Variants in VWC2 observed in about 807,000 individuals in gnomAD.
VWC2 encodes the protein von Willebrand factor C domain containing 2.
VWC2 carries 14 observed loss-of-function variants against 29.8 expected under a neutral mutation model. That is an observed-to-expected ratio of 0.47 (90% confidence interval 0.31 to 0.74). The LOEUF (loss-of-function observed/expected upper bound fraction) is 0.74. VWC2 is among the 30% of genes least tolerant of loss of function. VWC2 has a pLI of 0.05. For synonymous variants in VWC2, 213 were observed against 199.0 expected (o/e 1.07, Z -0.59); for missense variants, 457 against 459.8 (o/e 0.99, Z 0.05).
intron 3 of VWC2, among the ~76,000 whole-genome samples, chr7:49,843,763 C>T (rs1421840823): frequency 1.3e-5 from 2 of 152,130 alleles, no homozygotes; most frequent in Admixed American, 6.5e-5. Context: ...GAAATGTTGC[C>T]CCCAGCGCTA....
chr7:49,798,533 T>C (rs1317167944), intron 2 of VWC2, among the ~76,000 whole-genome samples: 4 of 152,218 alleles, frequency 2.6e-5, no homozygotes, highest in Non-Finnish European at 5.9e-5. Context: ...TGGAGGACTC[T>C]GAGCAGGAAG....
intron 3 of VWC2, among the ~76,000 whole-genome samples, chr7:49,892,031 ATTTTTTTTTTTTTTT>A (rs536880676): frequency 7.5e-5 from 4 of 53,288 alleles, no homozygotes; most frequent in East Asian, 6.8e-4. Context: ...GACAAAGTAG[ATTTTTTTTTTTTTTT>A]TTTTTTTTTT....
chr7:49,805,320 A>G (rs951076380), intron 3 of VWC2, among the ~76,000 whole-genome samples: 1 of 152,184 alleles, frequency 6.6e-6, no homozygotes, highest in African/African-American at 2.4e-5. Flanking sequence ...TTTAGAAGGG[A>G]GATGAATATG....
At chr7:49,832,282 G>A (rs1789550101) in intron 3 of VWC2, among the ~76,000 whole-genome samples, 1 of 152,086 alleles carries the variant, frequency 6.6e-6, no homozygotes, top group African/African-American at 2.4e-5. Flanking sequence ...AAGAAATTTT[G>A]TTTAAAGATC....
chr7:49,828,939 T>A (rs1789464575), intron 3 of VWC2, among the ~76,000 whole-genome samples: 1 of 152,092 alleles, frequency 6.6e-6, no homozygotes, highest in Non-Finnish European at 1.5e-5. Context: ...TTCAGACTAG[T>A]CAATGCTAAG....
intron 3 of VWC2, among the ~76,000 whole-genome samples, chr7:49,901,944 GTTTT>G (rs963114900): frequency 7.0e-6 from 1 of 142,202 alleles, no homozygotes; most frequent in Non-Finnish European, 1.5e-5. Context: ...AACAATGATA[GTTTT>G]TTCAACGAAT....
At chr7:49,798,446 G>A (rs1788650057) in intron 2 of VWC2, among the ~76,000 whole-genome samples, 4 of 152,244 alleles carry the variant, frequency 2.6e-5, no homozygotes, top group African/African-American at 9.6e-5. Context: ...CACGGCTGGA[G>A]CCACGGCTGC....
intron 3 of VWC2, among the ~76,000 whole-genome samples, chr7:49,852,510 T>C (rs563597635): frequency 5.4e-4 from 82 of 152,268 alleles, no homozygotes; most frequent in African/African-American, 1.9e-3. Context: ...ACCTTTATAC[T>C]TCTTAAAATT....
intron 3 of VWC2, among the ~76,000 whole-genome samples, chr7:49,877,750 G>C (rs1583736711): frequency 6.7e-6 from 1 of 150,366 alleles, no homozygotes; most frequent in Admixed American, 6.7e-5. Context: ...CTTTTCAGGT[G>C]TCAGCTGCTT....
intron 3 of VWC2, among the ~76,000 whole-genome samples, chr7:49,881,394 G>C (rs1237610055): frequency 1.3e-5 from 2 of 152,132 alleles, no homozygotes; most frequent in Non-Finnish European, 1.5e-5. Flanking sequence ...GTGGTCATAG[G>C]GGAGTCTGGA....
intron 3 of VWC2, among the ~76,000 whole-genome samples, chr7:49,875,843 AG>A (rs1384062400): frequency 6.0e-4 from 92 of 152,186 alleles, no homozygotes; most frequent in African/African-American, 2.1e-3. Context: ...TACTGGCTGC[AG>A]GCTCCATGAG....
At chr7:49,869,188 G>A (rs78899427) in intron 3 of VWC2, among the ~76,000 whole-genome samples, 4,217 of 152,146 alleles carry the variant, frequency 0.028, 162 homozygotes, top group South Asian at 0.13. Flanking sequence ...ATAAAACATG[G>A]TATCCTACAG....
At chr7:49,855,115 TG>T (rs1331338969) in intron 3 of VWC2, among the ~76,000 whole-genome samples, 1 of 152,166 alleles carries the variant, frequency 6.6e-6, no homozygotes, top group Non-Finnish European at 1.5e-5. Context: ...TAGAAATAAA[TG>T]AGATTGTGTA....
intron 2 of VWC2, among the ~76,000 whole-genome samples, chr7:49,801,299 G>T (rs941157213): frequency 6.6e-6 from 1 of 152,214 alleles, no homozygotes; most frequent in Non-Finnish European, 1.5e-5. Flanking sequence ...GGGTCTCCCT[G>T]CCCCTGGCAA....
chr7:49,851,518 G>T (rs1790177333), intron 3 of VWC2, among the ~76,000 whole-genome samples: 1 of 152,192 alleles, frequency 6.6e-6, no homozygotes, highest in African/African-American at 2.4e-5. Flanking sequence ...CCACATCACA[G>T]TGTGTGAGTG....
chr7:49,864,436 G>A (rs932493523), intron 3 of VWC2, among the ~76,000 whole-genome samples: 2 of 152,174 alleles, frequency 1.3e-5, no homozygotes, highest in Non-Finnish European at 2.9e-5. Context: ...CCTTGGGCAA[G>A]TGCATGGTGT....
intron 3 of VWC2, among the ~76,000 whole-genome samples, chr7:49,860,557 T>C (rs1362655472): frequency 6.6e-6 from 1 of 152,256 alleles, no homozygotes; most frequent in Non-Finnish European, 1.5e-5. Context: ...AATGCTGCAG[T>C]GAACATTGGC....
At chr7:49,850,993 T>A (rs1333463164) in intron 3 of VWC2, among the ~76,000 whole-genome samples, 1 of 152,198 alleles carries the variant, frequency 6.6e-6, no homozygotes, top group African/African-American at 2.4e-5. Flanking sequence ...CTTTAAGGAA[T>A]GTCAGTTTAC....
intron 3 of VWC2, among the ~76,000 whole-genome samples, chr7:49,808,513 C>A (rs62454443): frequency 0.1 from 15,795 of 151,974 alleles, 1,027 homozygotes; most frequent in East Asian, 0.17. Context: ...ACTTGAATGG[C>A]ACTAGTGAAC....
Sources: gnomAD v4.1 joint callset for allele counts (sites outside exome capture counted in the v4.1 genomes callset) on GRCh38, gnomAD v4.1.1 for gene constraint, MANE v1.5 for transcripts, NCBI Gene and HGNC (gene_info 2026-07-23, HGNC 2026-07-21) for gene names.